The following EVA1A variants were observed in gnomAD, a reference collection of about 807,000 sequenced individuals.
EVA1A encodes eva-1 homolog A, regulator of programmed cell death, also known as protein eva-1 homolog A.
In EVA1A, 7 loss-of-function variants were observed where a neutral mutation model predicts 9.8. The ratio of observed to expected loss-of-function variants is 0.71; its 90% CI spans 0.41 to 1.34. The LOEUF is 1.34. Among genes scored for constraint, EVA1A ranks in the 40% most tolerant of loss-of-function variants. The pLI, the probability that EVA1A is intolerant of heterozygous loss-of-function variation, is 0.01. For missense variants in EVA1A, 206 were observed against 205.9 expected, an observed-to-expected ratio of 1.00 and a Z score of 0.00; for synonymous variants, 90 against 85.6, an observed-to-expected ratio of 1.05 and a Z score of -0.28.
intron 3 of EVA1A, among the ~76,000 whole-genome samples, chr2:75,509,064 C>T (rs1022186329): frequency 2.7e-4 from 41 of 152,092 alleles, no homozygotes; most frequent in African/African-American, 9.7e-4. Flanking sequence ...ATTCCTGTTT[C>T]CCTAGCTGTG....
At chr2:75,528,816 G>A (rs891041175) in intron 1 of EVA1A, among the ~76,000 whole-genome samples, 1 of 152,160 alleles carries the variant, frequency 6.6e-6, no homozygotes, top group Non-Finnish European at 1.5e-5. Flanking sequence ...CACAGCTGAT[G>A]CTCTCTTGAA....
At chr2:75,503,866 G>A (rs1199558291) in intron 3 of EVA1A, among the ~76,000 whole-genome samples, 1 of 152,018 alleles carries the variant, frequency 6.6e-6, no homozygotes, top group Admixed American at 6.6e-5. Flanking sequence ...TAACAGAGCA[G>A]GGTGACTATA....
chr2:75,545,666 A>G (rs566084972), intron 1 of EVA1A, among the ~76,000 whole-genome samples: 1 of 147,642 alleles, frequency 6.8e-6, no homozygotes, highest in African/African-American at 2.6e-5. Flanking sequence ...TGCAGCCTGG[A>G]GGGCAGAAGC....
chr2:75,543,307 T>G (rs902155318), intron 1 of EVA1A, among the ~76,000 whole-genome samples: 7 of 152,100 alleles, frequency 4.6e-5, no homozygotes, highest in Non-Finnish European at 1.0e-4. Context: ...CCAAACCCAG[T>G]ACACCGGAGA....
chr2:75,564,159 A>C (rs189039321), upstream of EVA1A, among the ~76,000 whole-genome samples: 27 of 152,338 alleles, frequency 1.8e-4, no homozygotes, highest in African/African-American at 5.5e-4. Flanking sequence ...CTGGTCTCAT[A>C]GGGTCTGCTG....
chr2:75,556,903 A>C (rs1676729129), intron 1 of EVA1A, among the ~76,000 whole-genome samples: 1 of 152,162 alleles, frequency 6.6e-6, no homozygotes, highest in South Asian at 2.1e-4. Flanking sequence ...CCCTGTTCCT[A>C]ACAGGCCAGG....
chr2:75,551,572 TG>T (rs1202911093), intron 1 of EVA1A, among the ~76,000 whole-genome samples: 1 of 152,200 alleles, frequency 6.6e-6, no homozygotes, highest in Non-Finnish European at 1.5e-5. Context: ...GCCCTAGTAC[TG>T]CCACTCTCGG....
At chr2:75,546,653 T>C (rs1401233963) in intron 1 of EVA1A, among the ~76,000 whole-genome samples, 4 of 152,120 alleles carry the variant, frequency 2.6e-5, no homozygotes, top group African/African-American at 9.7e-5. Context: ...TGAATTCTTC[T>C]TGGGAAAGGG....
At chr2:75,511,480 A>C (rs1200676609) in intron 3 of EVA1A, among the ~76,000 whole-genome samples, 1 of 152,214 alleles carries the variant, frequency 6.6e-6, no homozygotes, top group Admixed American at 6.5e-5. Flanking sequence ...CCACATGCTG[A>C]TCTAAAATAT....
At position 75,557,258 on chromosome 2, in the gene EVA1A, AGCCAAG is replaced by A. The variant is rs578113126; in HGVS notation, c.-192+3416_-192+3421del. 1.9e-4 allele frequency among the ~76,000 whole-genome samples: 29 copies of A among 152,346 alleles called. No individual in the cohort carries two copies. The South Asian group carries it at 6.0e-3, about 32-fold the overall frequency. ...ACTAGCAAGTGGGCTCGGTTTTCAA[AGCCAAG>A]GCTGCATTAGAAGCAATAGAAGATT... is the stretch of plus-strand genomic sequence containing the variant. On this transcript the variant is annotated intron_variant, in intron 1 of 3. Transcript: ENST00000393913.
intron 3 of EVA1A, among the ~76,000 whole-genome samples, chr2:75,502,943 C>G (rs1674480671): frequency 6.6e-6 from 1 of 152,184 alleles, no homozygotes; most frequent in African/African-American, 2.4e-5. Context: ...GCCCTCACCC[C>G]ACCTATTACA....
chr2:75,512,534 G>A (rs1674852934), intron 3 of EVA1A, among the ~76,000 whole-genome samples: 2 of 152,092 alleles, frequency 1.3e-5, no homozygotes, highest in Non-Finnish European at 2.9e-5. Context: ...AACCTGGCAA[G>A]TGGTTTAGAA....
intron 1 of EVA1A, among the ~76,000 whole-genome samples, chr2:75,567,571 C>A (rs1461822208): frequency 6.6e-6 from 1 of 152,196 alleles, no homozygotes; most frequent in African/African-American, 2.4e-5. Context: ...GAAGAGTGTA[C>A]ACTAACCAGA....
chr2:75,541,368 C>T (rs574567290), intron 1 of EVA1A, among the ~76,000 whole-genome samples: 90 of 152,278 alleles, frequency 5.9e-4, no homozygotes, highest in East Asian at 2.5e-3. Flanking sequence ...GTCGGAACCT[C>T]AGAAAGGGAC....
At chr2:75,536,399 G>A (rs995107990) in intron 1 of EVA1A, among the ~76,000 whole-genome samples, 1 of 151,894 alleles carries the variant, frequency 6.6e-6, no homozygotes, top group African/African-American at 2.4e-5. Context: ...AATATTGTCA[G>A]GTTTAAAGAA....
intron 1 of EVA1A, among the ~76,000 whole-genome samples, chr2:75,533,559 A>G (rs1200363719): frequency 6.6e-6 from 1 of 152,330 alleles, no homozygotes; most frequent in South Asian, 2.1e-4. Flanking sequence ...ATAGGTAAAT[A>G]CAATAGGCTT....
chr2:75,506,801 C>T (rs1472028813), intron 3 of EVA1A, among the ~76,000 whole-genome samples: 1 of 152,132 alleles, frequency 6.6e-6, no homozygotes, highest in Non-Finnish European at 1.5e-5. Context: ...TGGGGCCCTG[C>T]CTCACAACCC....
In EVA1A at chr2:75,523,699, T is replaced by C. The variant is rs73938937; in HGVS notation, c.-191-1212A>G. On this transcript the variant is annotated intron_variant, in intron 1 of 3. Coordinates refer to ENST00000393913, the MANE Select transcript of EVA1A (RefSeq NM_001135032.2). ...CACCTGGAAAGGTTTTACCTCTGAATACTGGGTTGTGAACTCCGTAAGGGC... is the reference window on the plus strand; with the variant it reads ...CACCTGGAAAGGTTTTACCTCTGAACACTGGGTTGTGAACTCCGTAAGGGC... Among the ~76,000 whole-genome samples the C allele has an allele frequency of 9.3e-3, 1,414 of 152,344 alleles. 22 individuals are homozygous for C. Among genetic ancestry groups the C allele is most frequent in the African/African-American group, 0.032 (1,348 of 41,584 alleles).
chr2:75,546,178 T>C (rs1572986467), intron 1 of EVA1A, among the ~76,000 whole-genome samples: 2 of 152,158 alleles, frequency 1.3e-5, no homozygotes, highest in Admixed American at 1.3e-4. Flanking sequence ...CCACTGAGGA[T>C]GCTAAGCTGG....
Sources: allele counts gnomAD v4.1 joint callset (sites outside exome capture counted in the v4.1 genomes callset), GRCh38; gene constraint gnomAD v4.1.1; transcripts MANE v1.5; gene names NCBI Gene and HGNC (gene_info 2026-07-23, HGNC 2026-07-21).